Variants in CAPN10 observed in about 807,000 individuals in gnomAD.
CAPN10 encodes calpain-10.
Under a neutral mutation model 78.4 loss-of-function variants are expected in CAPN10, and 71 were observed. The ratio of observed to expected loss-of-function variants is 0.91; its 90% CI spans 0.75 to 1.10. The LOEUF is 1.10. CAPN10 is among the 50% of genes least tolerant of loss of function. CAPN10 has a pLI of 0.00. For synonymous variants in CAPN10, 437 were observed against 407.2 expected, an observed-to-expected ratio of 1.07 and a Z score of -0.88; for missense variants, 849 against 924.6, an observed-to-expected ratio of 0.92 and a Z score of 1.06.
At position 240,592,066 on chromosome 2, in the gene CAPN10, C is replaced by G. The variant is rs775701945; in HGVS notation, c.604C>G (p.Arg202Gly). Residue 202 changes from arginine to glycine, a missense_variant, in exon 4 of 12, where the codon CGC (arginine) becomes GGC (glycine). By Grantham distance (125) the Arg-to-Gly change is moderately radical. Transcript: ENST00000391984. ...GSGGQQDRPG[R>G]WEHRTCRQLL... The stretch of plus-strand genomic sequence containing the variant: ...CGGAGGCCAGCAGGACAGGCCAGGC[C>G]GCTGGGAGCACAGGACTTGTCGGCA... 41 of 1,607,634 alleles carry G rather than the reference C, an allele frequency of 2.6e-5. No homozygotes were observed. In the East Asian group the frequency reaches 9.2e-4, roughly 36 times the overall value.
At position 240,598,028 on chromosome 2, in the gene CAPN10, C is replaced by T; in HGVS notation, c.1884C>T (p.Ser628=). ...CGGGCACCTACAAGGTTGTGCCCTC[C>T]ACCTACCTGCCGGACACAGAGGGGG... ...LPAGTYKVVP[S]TYLPDTEGAF... The change falls in exon 10 of 12, where the codon TCC becomes TCT. Residue 628 remains serine, a synonymous_variant. Transcript: ENST00000391984. 2 of 1,613,216 alleles carry T rather than the reference C, an allele frequency of 1.2e-6. No homozygotes were observed. The highest frequency in any genetic ancestry group is 1.7e-6 in the Non-Finnish European group (2 of 1,179,888).
intron 2 of CAPN10, chr2:240,590,498 C>A: frequency 3.8e-6 from 1 of 261,926 alleles, no homozygotes. Flanking sequence ...TCAAGTTTTG[C>A]AATGAGAGGT....
chr2:240,589,726 A>T, intron 2 of CAPN10: 1 of 465,458 alleles, frequency 2.1e-6, no homozygotes, highest in South Asian at 3.4e-5. Context: ...TGCTCTCCTG[A>T]CCCCCGGACT....
rs762746164 is a variant in CAPN10 at position 240,596,758 on chromosome 2, G to A, written c.1559G>A (p.Arg520Gln). 1.9e-5 allele frequency: 31 copies of A among 1,610,072 alleles called. No individual in the cohort carries two copies. Among genetic ancestry groups the A allele is most frequent in the Middle Eastern group, 1.6e-4 (1 of 6,064 alleles). The change falls in exon 9 of 12, where the codon CGG becomes CAG. Residue 520 changes from arginine to glutamine, a missense_variant. Physicochemically the swap from Arg to Gln is conservative, Grantham distance 43. Coordinates refer to ENST00000391984, the MANE Select transcript of CAPN10 (RefSeq NM_023083.4). ...PAGEWGTVQL[R>Q]GSWRVGQTAG... is the part of the protein sequence containing the mutation. ...GGGGAGTGGGGGACCGTGCAGCTAC[G>A]GGGTTCTTGGAGAGTCGGCCAGACG...
Position 240,591,001 on chromosome 2 carries a change from G to T in CAPN10, c.460G>T (p.Val154Phe). ...GTTCTGGCTCCCCTTACTGGAAAAG[G>T]TCTACGCCAAGTGCGTGTGCTGGGG... ...DVFWLPLLEK[V>F]YAKVHGSYEH... Residue 154 changes from valine (V) to phenylalanine (F), a missense_variant, in exon 3 of 12, where the codon GTC (valine) becomes TTC (phenylalanine). Transcript: ENST00000391984. 1 of 1,613,942 alleles carries T rather than the reference G, an allele frequency of 6.2e-7. No individual in the cohort carries two copies. The highest frequency in any genetic ancestry group is 1.7e-5 in the Admixed American group (1 of 60,028).
intron 7 of CAPN10, chr2:240,596,113 G>A: frequency 1.3e-6 from 2 of 1,530,146 alleles, no homozygotes; most frequent in Non-Finnish European, 1.8e-6. Flanking sequence ...TCGTGTCTGG[G>A]ACAGATACTG....
rs1386974103 is a variant in CAPN10, at chr2:240,594,702, C to T, written c.990C>T (p.Leu330=). 9.3e-6 allele frequency: 15 copies of T among 1,612,954 alleles called. No homozygotes were observed. The highest frequency in any genetic ancestry group is 1.3e-5 in the Non-Finnish European group (15 of 1,179,724). The change falls in exon 6 of 12, where the codon CTC becomes CTT. Residue 330 remains leucine, a synonymous_variant. Transcript: ENST00000391984. ...PVTEAGHLQS[L]YTERLLCHTR... is the part of the protein sequence containing the mutation. The stretch of plus-strand genomic sequence containing the variant: ...CGGAGGCCGGCCACCTGCAGAGCCT[C>T]TACACAGGTAGTGCCCCGAGGGGCT...
At chr2:240,592,256 G>A (rs562108130) in intron 4 of CAPN10, 106 bp downstream of exon 4, 3 of 944,224 alleles carry the variant, frequency 3.2e-6, no homozygotes, top group Admixed American at 4.3e-5. Context: ...AGCCCTGTCA[G>A]GACTAAGTGG....
At chr2:240,591,883 G>A in intron 3 of CAPN10, 50 bp from the exon 4 acceptor site, 2 of 1,514,528 alleles carry the variant, frequency 1.3e-6, no homozygotes, top group South Asian at 2.3e-5. Context: ...TCAGAGAGGG[G>A]GCCATGCTCA....
rs1160603473 is a variant in CAPN10 at position 240,594,059 on chromosome 2, G to A, written c.830+12G>A. 6.4e-7 allele frequency: 1 copy of A among 1,571,840 alleles called. No homozygotes were observed. Among genetic ancestry groups the A allele is most frequent in the Admixed American group, 1.8e-5 (1 of 56,998 alleles). On this transcript the variant is annotated intron_variant, in intron 5 of 11. Transcript: ENST00000391984. The stretch of plus-strand genomic sequence containing the variant: ...CTCTGGAGAGAGGGGTGAGTGCTGG[G>A]GCCTGGACCATGCTGCTGTCGGGAG...
chr2:240,591,643 G>A (rs1374424434), intron 3 of CAPN10: 2 of 471,866 alleles, frequency 4.2e-6, no homozygotes, highest in Non-Finnish European at 3.8e-6. Flanking sequence ...AGGGATGTGG[G>A]CATCCATAGC....
At position 240,596,309 on chromosome 2, in the gene CAPN10, G is replaced by A. The variant is rs1372823081; in HGVS notation, c.1279-10G>A. 11 of 1,595,676 alleles carry A rather than the reference G, an allele frequency of 6.9e-6. No homozygotes were observed. Among genetic ancestry groups the A allele is most frequent in the Admixed American group, 3.4e-5 (2 of 59,458 alleles). On this transcript the variant is annotated splice_polypyrimidine_tract_variant and intron_variant, in intron 7 of 11. Coordinates refer to ENST00000391984, the MANE Select transcript of CAPN10 (RefSeq NM_023083.4). Reference sequence around the variant, plus strand: ...CTCCTCCACACTGAGCCTCCTGCACGTGCTCACAGGTAGAGAAGCGGCGGG... The same window carrying A: ...CTCCTCCACACTGAGCCTCCTGCACATGCTCACAGGTAGAGAAGCGGCGGG...
In CAPN10 at chr2:240,586,740, G is replaced by T; in HGVS notation, c.-172G>T. On this transcript the variant is annotated 5_prime_UTR_variant, in exon 1 of 12. Coordinates refer to ENST00000391984, the MANE Select transcript of CAPN10 (RefSeq NM_023083.4). ...CCGCCTGGTTACCAATGGGAGACTA[G>T]CGGGCCGGCGTACTGGCCTGGTCCA... The T allele has an allele frequency of 6.0e-6, 3 of 504,008 alleles. No individual in the cohort carries two copies. The highest frequency in any genetic ancestry group is 9.2e-6 in the Non-Finnish European group (3 of 324,516). The allele number at this position is 504,008 out of a possible 1,614,324, so 31.2% of individuals were successfully genotyped here. A position where few individuals can be genotyped will look rare whatever the true frequency, so the allele number is the denominator to read the frequency against.
At chr2:240,593,481 C>T (rs2093116148) in intron 4 of CAPN10, among the ~76,000 whole-genome samples, 1 of 152,260 alleles carries the variant, frequency 6.6e-6, no homozygotes, top group South Asian at 2.1e-4. Flanking sequence ...GGGCTTCTAG[C>T]CAGGGCACTA....
At chr2:240,587,881 G>GTTT (rs1433495206) in intron 1 of CAPN10, among the ~76,000 whole-genome samples, 1 of 152,218 alleles carries the variant, frequency 6.6e-6, no homozygotes, top group East Asian at 1.9e-4. Context: ...TTGGATGTGT[G>GTTT]TTTTTACAAG....
intron 4 of CAPN10, 79 bp from the exon 5 acceptor site, chr2:240,593,827 G>C: frequency 6.7e-7 from 1 of 1,490,704 alleles, no homozygotes; most frequent in Non-Finnish European, 9.0e-7. Flanking sequence ...CAGAGGAGGA[G>C]GCAGAGGCCT....
chr2:240,591,209 C>A, intron 3 of CAPN10, 198 bp downstream of exon 3: 2 of 571,876 alleles, frequency 3.5e-6, no homozygotes, highest in Non-Finnish European at 6.2e-6. Flanking sequence ...ATTGCCCACT[C>A]CCTGCTTTCC....
At chr2:240,593,215 G>C (rs912682542) in intron 4 of CAPN10, among the ~76,000 whole-genome samples, 11 of 152,242 alleles carry the variant, frequency 7.2e-5, no homozygotes, top group African/African-American at 2.7e-4. Context: ...TAGCACTTCA[G>C]GCTTTAGAGG....
In CAPN10 at chr2:240,597,967, A is replaced by G; in HGVS notation, c.1823A>G (p.Tyr608Cys). Residue 608 changes from tyrosine to cysteine, a missense_variant, in exon 10 of 12, where the codon TAC (tyrosine) becomes TGC (cysteine). Transcript: ENST00000391984. ...CTGCTGAGCTGCGTGCCACATCGCT[A>G]CGCCCAGGAGGTGAGCCGGCTCTGC... ...EPLLSCVPHR[Y>C]AQEVSRLCLL... 1 of 1,612,936 alleles carries G rather than the reference A, an allele frequency of 6.2e-7. No individual in the cohort carries two copies. Among genetic ancestry groups the G allele is most frequent in the Non-Finnish European group, 8.5e-7 (1 of 1,179,914 alleles).
Sources: allele counts gnomAD v4.1 joint callset (sites outside exome capture counted in the v4.1 genomes callset), GRCh38; gene constraint gnomAD v4.1.1; transcripts MANE v1.5; gene names NCBI Gene and HGNC (gene_info 2026-07-23, HGNC 2026-07-21).